Variants in RTN4RL1 observed in about 807,000 individuals in gnomAD.
The protein encoded by RTN4RL1 is reticulon-4 receptor-like 1.
RTN4RL1 carries 7 observed loss-of-function variants against 25.6 expected under a neutral mutation model. The observed-to-expected ratio is 0.27, with a 90% CI of 0.16 to 0.51. The LOEUF is 0.51. Among genes scored for constraint, RTN4RL1 ranks in the 20% least tolerant of loss-of-function variants. The pLI is 0.97. For missense variants in RTN4RL1, 500 were observed against 615.6 expected, an observed-to-expected ratio of 0.81 and a Z score of 1.99; for synonymous variants, 297 against 288.2, an observed-to-expected ratio of 1.03 and a Z score of -0.31.
In RTN4RL1 at chr17:1,936,175, CG is replaced by C; in HGVS notation, c.*320del. 1 of 1,160,944 alleles carries C rather than the reference CG, an allele frequency of 8.6e-7. No homozygotes were observed. The highest frequency in any genetic ancestry group is 1.1e-6 in the Non-Finnish European group (1 of 940,556). The allele number at this position is 1,160,944 out of a possible 1,614,324, so 71.9% of individuals were successfully genotyped here. On this transcript the variant is annotated 3_prime_UTR_variant, in exon 2 of 2. Coordinates refer to ENST00000331238, the MANE Select transcript of RTN4RL1 (RefSeq NM_178568.4). ...TTCCACAGAGCCCCGGTGCCGCCGTCGGGGGCAATTGTCCCACTGTTGCCAG... is the reference window on the plus strand; with the variant it reads ...TTCCACAGAGCCCCGGTGCCGCCGTCGGGGCAATTGTCCCACTGTTGCCAG...
intron 1 of RTN4RL1, among the ~76,000 whole-genome samples, chr17:1,996,322 C>G (rs1038070985): frequency 1.3e-5 from 2 of 152,162 alleles, no homozygotes; most frequent in African/African-American, 2.4e-5. Context: ...GTAAAGACAA[C>G]AGACACCAGG....
At chr17:1,997,171 C>T (rs987063491) in intron 1 of RTN4RL1, among the ~76,000 whole-genome samples, 2 of 152,260 alleles carry the variant, frequency 1.3e-5, no homozygotes, top group Non-Finnish European at 2.9e-5. Flanking sequence ...AAAATCCAAA[C>T]TCCTCCGTGG....
intron 1 of RTN4RL1, among the ~76,000 whole-genome samples, chr17:1,958,152 T>G (rs1233157336): frequency 6.6e-6 from 1 of 152,210 alleles, no homozygotes; most frequent in Non-Finnish European, 1.5e-5. Context: ...ATTGCACCAC[T>G]GCACTCCAGC....
intron 1 of RTN4RL1, among the ~76,000 whole-genome samples, chr17:1,989,827 T>C (rs1234140344): frequency 2.0e-5 from 3 of 151,888 alleles, no homozygotes; most frequent in African/African-American, 7.3e-5. Flanking sequence ...CAGCCTCAGC[T>C]TCCCAAAGTT....
chr17:1,938,931 T>G (rs888739465), intron 1 of RTN4RL1, among the ~76,000 whole-genome samples: 1 of 151,510 alleles, frequency 6.6e-6, no homozygotes, highest in African/African-American at 2.4e-5. Context: ...GGAGGCTCAG[T>G]AGTACTCAGG....
intron 1 of RTN4RL1, among the ~76,000 whole-genome samples, chr17:2,011,843 A>G (rs551505083): frequency 6.6e-6 from 1 of 152,278 alleles, no homozygotes; most frequent in Non-Finnish European, 1.5e-5. Flanking sequence ...TGTGAGTGGT[A>G]AAATGTCCCC....
intron 1 of RTN4RL1, among the ~76,000 whole-genome samples, chr17:1,996,368 A>G (rs1039859661): frequency 1.4e-4 from 21 of 152,056 alleles, no homozygotes; most frequent in Non-Finnish European, 2.9e-4. Flanking sequence ...GTACGGGTGA[A>G]CAGCAGCTCT....
At position 2,007,452 on chromosome 17, in the gene RTN4RL1, C is replaced by T. The variant is rs139035139; in HGVS notation, c.13+17401G>A. ...TTGGGGTGGTGCCAATGGATGTCGC[C>T]GACCTCTTGCTCTGGCCTTCACCCA... On this transcript the variant is annotated intron_variant, in intron 1 of 1. Transcript: ENST00000331238. Among the ~76,000 whole-genome samples the T allele has an allele frequency of 3.0e-4, 46 of 151,964 alleles. No individual in the cohort carries two copies. The South Asian group carries it at 4.2e-3, about 14-fold the overall frequency.
chr17:1,960,815 G>A (rs948066376), intron 1 of RTN4RL1, among the ~76,000 whole-genome samples: 1 of 151,960 alleles, frequency 6.6e-6, no homozygotes, highest in East Asian at 1.9e-4. Flanking sequence ...CGTTGGCCTC[G>A]GAGTTTTCAC....
intron 1 of RTN4RL1, among the ~76,000 whole-genome samples, chr17:1,989,118 C>T (rs977760471): frequency 3.9e-5 from 6 of 152,070 alleles, no homozygotes; most frequent in Admixed American, 1.3e-4. Flanking sequence ...GAGGCTACTG[C>T]AGTAGTCCAA....
intron 1 of RTN4RL1, among the ~76,000 whole-genome samples, chr17:1,948,506 A>C (rs1915606051): frequency 1.3e-5 from 2 of 152,156 alleles, no homozygotes; most frequent in Admixed American, 1.3e-4. Flanking sequence ...CCCCTCCCCC[A>C]AAGCTACAGC....
chr17:2,002,397 A>T (rs955277146), intron 1 of RTN4RL1, among the ~76,000 whole-genome samples: 1 of 149,740 alleles, frequency 6.7e-6, no homozygotes, highest in Non-Finnish European at 1.5e-5. Flanking sequence ...GGTTCACGCC[A>T]TTCTCCTGCC....
In RTN4RL1 at chr17:2,009,587, G is replaced by A. The variant is rs1227937145; in HGVS notation, c.13+15266C>T. ...AGCCTGGGCGACAGAGCAAGACTCC[G>A]TCTCAAAAAAAAAAAAAAAAGGCAG... On this transcript the variant is annotated intron_variant, in intron 1 of 1. Transcript: ENST00000331238. Among the ~76,000 whole-genome samples the A allele has an allele frequency of 4.9e-4, 52 of 106,256 alleles. 10 individuals carry two copies. Among genetic ancestry groups the A allele is most frequent in the South Asian group, 2.8e-3 (7 of 2,498 alleles). The allele number at this position is 106,256 out of a possible 152,430, so 69.7% of individuals were successfully genotyped here.
Position 1,936,008 on chromosome 17 carries a change from G to GA in RTN4RL1, c.*487_*488insT, listed in dbSNP as rs1915295466. On this transcript the variant is annotated 3_prime_UTR_variant, in exon 2 of 2. Transcript: ENST00000331238. Reference sequence around the variant, plus strand: ...ATTCAGGGCAGGGTGACTGGCCTCAGGCAAGAGCCAAGATGCCACCTGCTC... The same window carrying GA: ...ATTCAGGGCAGGGTGACTGGCCTCAGAGCAAGAGCCAAGATGCCACCTGCTC... The GA allele has an allele frequency of 1.0e-6, 1 of 988,166 alleles. No individual in the cohort carries two copies. Among genetic ancestry groups the GA allele is most frequent in the East Asian group, 1.1e-4 (1 of 8,860 alleles). 61.2% of individuals were successfully genotyped at this position (988,166 alleles called of 1,614,324 possible).
chr17:2,005,763 CT>C (rs2066989549), intron 1 of RTN4RL1, among the ~76,000 whole-genome samples: 1 of 150,952 alleles, frequency 6.6e-6, no homozygotes, highest in Admixed American at 6.6e-5. Context: ...CTCTCTCTCT[CT>C]CCTTCTCTTT....
At chr17:1,968,722 T>A (rs1373419439) in intron 1 of RTN4RL1, among the ~76,000 whole-genome samples, 1 of 152,092 alleles carries the variant, frequency 6.6e-6, no homozygotes, top group Non-Finnish European at 1.5e-5. Context: ...CCGTCCCCTC[T>A]CCCTGGGATG....
At chr17:1,997,284 T>C (rs180823359) in intron 1 of RTN4RL1, among the ~76,000 whole-genome samples, 1 of 152,304 alleles carries the variant, frequency 6.6e-6, no homozygotes, top group African/African-American at 2.4e-5. Flanking sequence ...CTCTGGGCCT[T>C]TGCACTTCCT....
Position 1,937,057 on chromosome 17 carries a change from G to A in RTN4RL1, c.765C>T (p.Asn255=). 6.2e-7 allele frequency: 1 copy of A among 1,605,624 alleles called. No individual in the cohort carries two copies. The highest frequency in any genetic ancestry group is 8.5e-7 in the Non-Finnish European group (1 of 1,177,746). The stretch of plus-strand genomic sequence containing the variant: ...GCGCGCGACAACCACAGTCCCAGGG[G>A]TTGCCGTTGAGGCGGAGGAACTCCA... ...GALEFLRLNG[N]PWDCGCRARS... is the part of the protein sequence containing the mutation. The change falls in exon 2 of 2, where the codon AAC becomes AAT. Residue 255 remains asparagine (N), a synonymous_variant. Coordinates refer to ENST00000331238, the MANE Select transcript of RTN4RL1 (RefSeq NM_178568.4).
At chr17:1,950,106 G>T (rs78118164) in intron 1 of RTN4RL1, among the ~76,000 whole-genome samples, 1 of 152,076 alleles carries the variant, frequency 6.6e-6, no homozygotes, top group Admixed American at 6.6e-5. Flanking sequence ...AGCCCGGGGC[G>T]GGAGCAACAG....
Sources: gnomAD v4.1 joint callset for allele counts (sites outside exome capture counted in the v4.1 genomes callset) on GRCh38, gnomAD v4.1.1 for gene constraint, MANE v1.5 for transcripts, NCBI Gene and HGNC (gene_info 2026-07-23, HGNC 2026-07-21) for gene names.